The following MACROD2 variants were observed in gnomAD, a reference collection of about 807,000 sequenced individuals.
MACROD2 encodes the protein ADP-ribose glycohydrolase MACROD2.
Under a neutral mutation model 70.4 loss-of-function variants are expected in MACROD2, and 36 were observed. The observed-to-expected ratio is 0.51, with a 90% CI of 0.39 to 0.68. The LOEUF is 0.68. Ranked by LOEUF, MACROD2 falls within the 30% of genes least tolerant of loss-of-function variation. The pLI is 0.00. For synonymous variants in MACROD2, 172 were observed against 178.8 expected (o/e 0.96, Z 0.30); for missense variants, 496 against 538.4 (o/e 0.92, Z 0.78).
At chr20:14,834,866 ATG>A (rs1849600553) in intron 5 of MACROD2, among the ~76,000 whole-genome samples, 2 of 152,040 alleles carry the variant, frequency 1.3e-5, no homozygotes, top group African/African-American at 4.8e-5. Context: ...ATATATTTAT[ATG>A]TGTGTATATA....
At chr20:15,472,461 C>T (rs1443478387) in intron 7 of MACROD2, among the ~76,000 whole-genome samples, 2 of 152,156 alleles carry the variant, frequency 1.3e-5, no homozygotes, top group African/African-American at 4.8e-5. Context: ...TCATTTGTTT[C>T]ACTGGCCTCA....
At chr20:15,078,399 G>A (rs2075676417) in intron 5 of MACROD2, among the ~76,000 whole-genome samples, 1 of 152,142 alleles carries the variant, frequency 6.6e-6, no homozygotes, top group African/African-American at 2.4e-5. Flanking sequence ...GGGATGAAAG[G>A]CCAGGTATTG....
chr20:14,689,990 A>G (rs2071043996), intron 5 of MACROD2, among the ~76,000 whole-genome samples: 1 of 148,930 alleles, frequency 6.7e-6, no homozygotes, highest in Non-Finnish European at 1.5e-5. Context: ...TCAATTATCC[A>G]TTGTGTTTTT....
At chr20:14,248,580 C>T (rs2081985906) in intron 3 of MACROD2, among the ~76,000 whole-genome samples, 1 of 151,756 alleles carries the variant, frequency 6.6e-6, no homozygotes, top group Non-Finnish European at 1.5e-5. Context: ...GAGACTCTGT[C>T]TCAAAATAAT....
rs201890532 is a variant in MACROD2 at position 15,827,960 on chromosome 20, C to CAGGTTAG, written c.646-34783_646-34777dup. 8.1e-3 allele frequency among the ~76,000 whole-genome samples: 1,232 copies of CAGGTTAG among 152,252 alleles called. 17 individuals carry two copies. Among genetic ancestry groups the CAGGTTAG allele is most frequent in the Middle Eastern group, 0.051 (15 of 294 alleles). On this transcript the variant is annotated intron_variant, in intron 8 of 17. Coordinates refer to ENST00000684519, the MANE Select transcript of MACROD2 (RefSeq NM_001351661.2). The stretch of plus-strand genomic sequence containing the variant: ...TCCAGCTCACTTATCATACTAATAC[C>CAGGTTAG]AGGTTAGAACAGTTACCTTAGAATC...
intron 5 of MACROD2, among the ~76,000 whole-genome samples, chr20:14,926,716 C>T (rs974186925): frequency 6.6e-5 from 10 of 152,060 alleles, no homozygotes; most frequent in Non-Finnish European, 1.5e-4. Context: ...AACATGATTT[C>T]AACTCTTCCA....
chr20:14,059,291 C>CT (rs1244804190), intron 2 of MACROD2, among the ~76,000 whole-genome samples: 9 of 152,066 alleles, frequency 5.9e-5, no homozygotes, highest in Admixed American at 5.2e-4. Context: ...CAGACATATG[C>CT]TTTTTTGTAA....
intron 3 of MACROD2, among the ~76,000 whole-genome samples, chr20:14,138,163 A>C (rs554631331): frequency 6.6e-6 from 1 of 152,304 alleles, no homozygotes; most frequent in Non-Finnish European, 1.5e-5. Context: ...TGGGAATGTA[A>C]GTTGGTACAG....
chr20:15,433,459 C>CAAAAAAAAAAAAAAA (rs60298297), intron 7 of MACROD2, among the ~76,000 whole-genome samples: 8 of 88,280 alleles, frequency 9.1e-5, no homozygotes, highest in Non-Finnish European at 1.0e-4. Flanking sequence ...ACAAGAGCTG[C>CAAAAAAAAAAAAAAA]AAAAAAAAAA....
chr20:15,467,534 T>C (rs2046910530), intron 7 of MACROD2, among the ~76,000 whole-genome samples: 1 of 152,080 alleles, frequency 6.6e-6, no homozygotes, highest in East Asian at 1.9e-4. Flanking sequence ...GGTTATTTTT[T>C]TCTCTCTCTC....
rs1026541820 is a variant in MACROD2 at position 14,200,009 on chromosome 20, A to G, written c.271+114281A>G. Among the ~76,000 whole-genome samples the G allele has an allele frequency of 2.0e-5, 3 of 152,210 alleles. No homozygotes were observed. In the East Asian group the frequency reaches 5.8e-4, roughly 29 times the overall value. On this transcript the variant is annotated intron_variant, in intron 3 of 17. Transcript: ENST00000684519. ...CATAAGAACCAATGTCATGATTAGTAAAGTGTTTCCCAATAGCAAAGACAT... is the reference window on the plus strand; with the variant it reads ...CATAAGAACCAATGTCATGATTAGTGAAGTGTTTCCCAATAGCAAAGACAT...
chr20:14,643,518 A>T (rs1225751787), intron 4 of MACROD2, among the ~76,000 whole-genome samples: 1 of 152,228 alleles, frequency 6.6e-6, no homozygotes, highest in African/African-American at 2.4e-5. Context: ...TGAAATTAAG[A>T]CAGGCTTGAT....
chr20:15,513,348 G>A (rs867143676), intron 8 of MACROD2, among the ~76,000 whole-genome samples: 1 of 152,204 alleles, frequency 6.6e-6, no homozygotes. Flanking sequence ...TGTATTCTCT[G>A]AAATGTATTA....
chr20:15,801,000 T>C (rs2063719459), intron 8 of MACROD2, among the ~76,000 whole-genome samples: 1 of 150,686 alleles, frequency 6.6e-6, no homozygotes, highest in Non-Finnish European at 1.5e-5. Context: ...GCATGCTCCT[T>C]AAGAGTCATC....
intron 2 of MACROD2, among the ~76,000 whole-genome samples, chr20:14,022,141 G>A (rs1055380779): frequency 1.3e-5 from 2 of 152,168 alleles, no homozygotes; most frequent in Admixed American, 1.3e-4. Flanking sequence ...CATATCAATT[G>A]CACACAGAAC....
At chr20:15,554,343 A>G (rs1433630256) in intron 8 of MACROD2, among the ~76,000 whole-genome samples, 2 of 152,280 alleles carry the variant, frequency 1.3e-5, no homozygotes, top group South Asian at 2.1e-4. Context: ...TTTGTATTAC[A>G]TTTCTCTCTG....
chr20:15,813,789 C>T (rs1256155800), intron 8 of MACROD2, among the ~76,000 whole-genome samples: 1 of 152,032 alleles, frequency 6.6e-6, no homozygotes, highest in Non-Finnish European at 1.5e-5. Context: ...CTCAAAACAA[C>T]AACAACACAA....
At chr20:15,361,072 A>G (rs2078346256) in intron 6 of MACROD2, among the ~76,000 whole-genome samples, 1 of 151,990 alleles carries the variant, frequency 6.6e-6, no homozygotes, top group South Asian at 2.1e-4. Flanking sequence ...ATAAAGTTTA[A>G]TTTATAGATT....
chr20:15,464,015 T>A (rs2046852952), intron 7 of MACROD2, among the ~76,000 whole-genome samples: 1 of 152,166 alleles, frequency 6.6e-6, no homozygotes, highest in Non-Finnish European at 1.5e-5. Flanking sequence ...TACTCACTCA[T>A]GTTGCAGCCA....
Sources: allele counts gnomAD v4.1 joint callset (sites outside exome capture counted in the v4.1 genomes callset), GRCh38; gene constraint gnomAD v4.1.1; transcripts MANE v1.5; gene names NCBI Gene and HGNC (gene_info 2026-07-23, HGNC 2026-07-21).